The following BTRC variants were observed in gnomAD, a reference collection of about 807,000 sequenced individuals.
BTRC encodes F-box/WD repeat-containing protein 1A.
Under a neutral mutation model 85.5 loss-of-function variants are expected in BTRC, and 42 were observed. The observed-to-expected ratio is 0.49, with a 90% CI of 0.38 to 0.64. BTRC has a LOEUF of 0.64. Ranked by LOEUF, BTRC falls within the 30% of genes least tolerant of loss-of-function variation. The pLI, the probability that BTRC is intolerant of heterozygous loss-of-function variation, is 0.00. For missense variants in BTRC, 594 were observed against 743.5 expected, an observed-to-expected ratio of 0.80 and a Z score of 2.34; for synonymous variants, 255 against 263.3, an observed-to-expected ratio of 0.97 and a Z score of 0.30.
intron 4 of BTRC, among the ~76,000 whole-genome samples, chr10:101,501,629 G>C (rs1176746226): frequency 6.6e-6 from 1 of 152,100 alleles, no homozygotes; most frequent in Admixed American, 6.6e-5. Context: ...AAATTCCATG[G>C]GAAAGAGTTA....
intron 6 of BTRC, 45 bp from the exon 7 acceptor site, chr10:101,531,186 TTAAATA>T (rs2062275182): frequency 7.2e-7 from 1 of 1,381,612 alleles, no homozygotes. Flanking sequence ...ATATATGTAT[TTAAATA>T]TATAATGTCA....
At chr10:101,378,603 C>T (rs1391714666) in intron 1 of BTRC, among the ~76,000 whole-genome samples, 1 of 149,346 alleles carries the variant, frequency 6.7e-6, no homozygotes, top group Admixed American at 6.8e-5. Context: ...TGGTGCACTG[C>T]AACCCCTACC....
chr10:101,388,605 T>C (rs1262309479), intron 1 of BTRC, among the ~76,000 whole-genome samples: 1 of 152,154 alleles, frequency 6.6e-6, no homozygotes. Flanking sequence ...TCCTCCCACC[T>C]CAGCTTCCCA....
chr10:101,437,483 A>G (rs1032223839), intron 2 of BTRC, among the ~76,000 whole-genome samples: 1 of 152,216 alleles, frequency 6.6e-6, no homozygotes, highest in African/African-American at 2.4e-5. Flanking sequence ...TAATTAAATT[A>G]TGAGATATAC....
chr10:101,380,301 T>G lies in BTRC; in HGVS notation c.48+26073T>G, dbSNP rs548584909. On this transcript the variant is annotated intron_variant, in intron 1 of 14. Coordinates refer to ENST00000370187, the MANE Select transcript of BTRC (RefSeq NM_033637.4). ...ATGAAATTATTATAAATAGAGCAAATATTTTGGAAATTATAAAGGACTGTA... is the reference window on the plus strand; with the variant it reads ...ATGAAATTATTATAAATAGAGCAAAGATTTTGGAAATTATAAAGGACTGTA... 2.6e-5 allele frequency among the ~76,000 whole-genome samples: 4 copies of G among 152,274 alleles called. No homozygotes were observed. The South Asian group carries it at 8.3e-4, about 32-fold the overall frequency.
At chr10:101,358,493 G>C (rs1195066860) in intron 1 of BTRC, among the ~76,000 whole-genome samples, 1 of 152,136 alleles carries the variant, frequency 6.6e-6, no homozygotes, top group African/African-American at 2.4e-5. Flanking sequence ...AATAATTTTA[G>C]AATGTATTGT....
intron 3 of BTRC, among the ~76,000 whole-genome samples, chr10:101,469,456 A>C (rs1170133574): frequency 6.6e-6 from 1 of 152,184 alleles, no homozygotes; most frequent in African/African-American, 2.4e-5. Context: ...TGGTCCCCTA[A>C]ATATGTTATT....
rs375565326 is a variant in BTRC, at chr10:101,478,665, C to T, written c.235-703C>T. ...AAATTAGCTGGGCGTGGTAGCGTGC[C>T]CCTGTAGTCCCCCACCTACTCTGGA... On this transcript the variant is annotated intron_variant, in intron 3 of 14. Transcript: ENST00000370187. 6.6e-4 allele frequency among the ~76,000 whole-genome samples: 100 copies of T among 151,534 alleles called. 2 individuals are homozygous for T. The highest frequency in any genetic ancestry group is 2.4e-3 in the African/African-American group (98 of 41,322).
chr10:101,492,291 G>A (rs1417127337), intron 4 of BTRC, among the ~76,000 whole-genome samples: 5 of 152,140 alleles, frequency 3.3e-5, no homozygotes, highest in African/African-American at 1.2e-4. Context: ...GGGAAATATA[G>A]AGAGAAAACC....
rs188446978 is a variant in BTRC at position 101,413,828 on chromosome 10, A to G, written c.49-16517A>G. On this transcript the variant is annotated intron_variant, in intron 1 of 14. Transcript: ENST00000370187. Reference sequence around the variant, plus strand: ...TTTCAACTTTCGTGTTTTTTTATATACAGGATTTTCATGTTATATATTTTA... The same window carrying G: ...TTTCAACTTTCGTGTTTTTTTATATGCAGGATTTTCATGTTATATATTTTA... 4.6e-5 allele frequency among the ~76,000 whole-genome samples: 7 copies of G among 152,304 alleles called. No individual in the cohort carries two copies. In the East Asian group the frequency reaches 1.2e-3, roughly 25 times the overall value.
intron 5 of BTRC, among the ~76,000 whole-genome samples, chr10:101,523,981 A>G (rs150614343): frequency 9.2e-5 from 14 of 152,298 alleles, no homozygotes; most frequent in African/African-American, 3.4e-4. Context: ...GAATGTGAAC[A>G]TTTTAAGGCT....
chr10:101,536,598 T>C lies in BTRC; in HGVS notation c.1522T>C (p.Leu508=), dbSNP rs2062390427. The C allele has an allele frequency of 1.9e-6, 3 of 1,613,854 alleles. No individual in the cohort carries two copies. The highest frequency in any genetic ancestry group is 2.5e-6 in the Non-Finnish European group (3 of 1,179,888). ...ACGAGTGTTAGAAGGCCATGAGGAA[T>C]TGGTGCGTTGTATTCGATTTGATAA... The part of the protein sequence containing the change: ...CLRVLEGHEE[L]VRCIRFDNKR... Residue 508 remains leucine, a synonymous_variant, in exon 12 of 15, where the codon TTG becomes CTG. Coordinates refer to ENST00000370187, the MANE Select transcript of BTRC (RefSeq NM_033637.4).
intron 4 of BTRC, among the ~76,000 whole-genome samples, chr10:101,507,292 A>G (rs1300312906): frequency 1.3e-5 from 2 of 152,224 alleles, no homozygotes. Context: ...AAAGAAACAT[A>G]AACACAGCGC....
chr10:101,367,436 C>T (rs1375309937), intron 1 of BTRC, among the ~76,000 whole-genome samples: 1 of 151,884 alleles, frequency 6.6e-6, no homozygotes, highest in African/African-American at 2.4e-5. Context: ...AGCTTTTTTA[C>T]TAAAGTAAAA....
intron 4 of BTRC, among the ~76,000 whole-genome samples, chr10:101,514,516 A>C (rs955173584): frequency 2.0e-5 from 3 of 151,946 alleles, no homozygotes; most frequent in Admixed American, 1.3e-4. Context: ...GCAGTAGCAC[A>C]ATCTAGGCTC....
At chr10:101,495,760 G>A (rs1465202979) in intron 4 of BTRC, among the ~76,000 whole-genome samples, 2 of 152,058 alleles carry the variant, frequency 1.3e-5, no homozygotes, top group East Asian at 3.9e-4. Context: ...CAATCATAGT[G>A]AATTTTCACG....
intron 13 of BTRC, among the ~76,000 whole-genome samples, chr10:101,549,235 C>T (rs991872714): frequency 6.8e-6 from 1 of 147,548 alleles, no homozygotes; most frequent in Non-Finnish European, 1.5e-5. Context: ...GAGTTCAAGA[C>T]CAGCCTGGGC....
At chr10:101,366,766 T>TTTTATA (rs1432526428) in intron 1 of BTRC, among the ~76,000 whole-genome samples, 1 of 50,910 alleles carries the variant, frequency 2.0e-5, no homozygotes, top group African/African-American at 5.6e-5. Context: ...CTTAATCTAG[T>TTTTATA]TATATATATA....
chr10:101,388,150 TA>T (rs1425704979), intron 1 of BTRC, among the ~76,000 whole-genome samples: 1 of 152,066 alleles, frequency 6.6e-6, no homozygotes, highest in East Asian at 1.9e-4. Flanking sequence ...AACTTTTAGC[TA>T]GGAAAGATGG....
Sources: gnomAD v4.1 joint callset for allele counts (sites outside exome capture counted in the v4.1 genomes callset) on GRCh38, gnomAD v4.1.1 for gene constraint, MANE v1.5 for transcripts, NCBI Gene and HGNC (gene_info 2026-07-23, HGNC 2026-07-21) for gene names.